Variants in APBA1 observed in about 807,000 individuals in gnomAD.
APBA1 encodes the protein amyloid-beta A4 precursor protein-binding family A member 1.
Under a neutral mutation model 86.6 loss-of-function variants are expected in APBA1, and 55 were observed. The observed-to-expected ratio is 0.64, with a 90% CI of 0.51 to 0.80. APBA1 has a LOEUF of 0.80. Ranked by LOEUF, APBA1 falls within the 30% of genes least tolerant of loss-of-function variation. The probability of loss-of-function intolerance (pLI) is 0.00; values close to 1 mark genes in which losing one functional copy is unlikely to be tolerated. For synonymous variants in APBA1, 511 were observed against 493.9 expected, an observed-to-expected ratio of 1.03 and a Z score of -0.46; for missense variants, 1,090 against 1,183.0, an observed-to-expected ratio of 0.92 and a Z score of 1.15.
intron 1 of APBA1, among the ~76,000 whole-genome samples, chr9:69,526,136 G>T (rs1235508421): frequency 1.3e-5 from 2 of 152,116 alleles, no homozygotes; most frequent in Middle Eastern, 3.4e-3. Context: ...ACATCATTTG[G>T]TCTTGGGGAC....
intron 11 of APBA1, among the ~76,000 whole-genome samples, chr9:69,440,703 A>G (rs1338616815): frequency 6.6e-6 from 1 of 152,156 alleles, no homozygotes; most frequent in East Asian, 1.9e-4. Context: ...TGACTAGGAA[A>G]GGGAATTCCC....
intron 1 of APBA1, among the ~76,000 whole-genome samples, chr9:69,589,945 G>A (rs1484729921): frequency 2.0e-5 from 3 of 152,180 alleles, no homozygotes; most frequent in Non-Finnish European, 2.9e-5. Flanking sequence ...AGGAGCATGA[G>A]GACTTGGTTT....
intron 1 of APBA1, among the ~76,000 whole-genome samples, chr9:69,670,199 A>T (rs914966127): frequency 1.3e-5 from 2 of 152,238 alleles, no homozygotes; most frequent in African/African-American, 4.8e-5. Flanking sequence ...CTTCAAGAGC[A>T]CCTTGTCTAT....
intron 1 of APBA1, among the ~76,000 whole-genome samples, chr9:69,581,135 C>T (rs1489017718): frequency 1.3e-5 from 2 of 152,156 alleles, no homozygotes; most frequent in African/African-American, 2.4e-5. Context: ...ACTGGTACAT[C>T]TGACCTAAAT....
intron 1 of APBA1, among the ~76,000 whole-genome samples, chr9:69,563,840 C>T (rs1206584755): frequency 1.3e-5 from 2 of 152,140 alleles, no homozygotes; most frequent in East Asian, 3.9e-4. Context: ...CCATAGCACT[C>T]ACTGACTTTT....
At chr9:69,588,698 A>T (rs1822070350) in intron 1 of APBA1, among the ~76,000 whole-genome samples, 1 of 152,168 alleles carries the variant, frequency 6.6e-6, no homozygotes, top group African/African-American at 2.4e-5. Flanking sequence ...AATGATGATC[A>T]CGATTATGGC....
At chr9:69,490,370 T>G (rs13302431) in intron 2 of APBA1, among the ~76,000 whole-genome samples, 57,403 of 151,574 alleles carry the variant, frequency 0.38, 12,400 homozygotes, top group Non-Finnish European at 0.47. Flanking sequence ...ATATACCTAA[T>G]GCTAAATGAT....
chr9:69,534,416 C>T (rs1478742196), intron 1 of APBA1, among the ~76,000 whole-genome samples: 2 of 152,132 alleles, frequency 1.3e-5, no homozygotes, highest in Non-Finnish European at 2.9e-5. Flanking sequence ...AATGAGTTTG[C>T]TTTTTCCATG....
At chr9:69,543,773 G>A (rs964354756) in intron 1 of APBA1, among the ~76,000 whole-genome samples, 2 of 152,194 alleles carry the variant, frequency 1.3e-5, no homozygotes, top group Non-Finnish European at 2.9e-5. Context: ...CATATGACCT[G>A]TTCCAGAATC....
At chr9:69,597,764 T>C (rs1822259501) in intron 1 of APBA1, among the ~76,000 whole-genome samples, 1 of 152,256 alleles carries the variant, frequency 6.6e-6, no homozygotes, top group Non-Finnish European at 1.5e-5. Flanking sequence ...ATTTATTAAA[T>C]AGGGAATCCT....
chr9:69,481,286 C>G (rs1835503116), intron 2 of APBA1, among the ~76,000 whole-genome samples: 1 of 152,012 alleles, frequency 6.6e-6, no homozygotes, highest in Admixed American at 6.5e-5. Flanking sequence ...TCTCAGGATA[C>G]AAAATCAATG....
intron 1 of APBA1, among the ~76,000 whole-genome samples, chr9:69,543,284 C>T (rs377210141): frequency 7.4e-4 from 7 of 9,500 alleles, no homozygotes; most frequent in African/African-American, 3.0e-3. Flanking sequence ...TTTCCCCCCC[C>T]CCCCCCCGGC....
chr9:69,584,734 T>G (rs186361001), intron 1 of APBA1, among the ~76,000 whole-genome samples: 232 of 152,314 alleles, frequency 1.5e-3, no homozygotes, highest in Admixed American at 3.0e-3. Flanking sequence ...CCACTGATTA[T>G]AAATACAAAC....
intron 2 of APBA1, among the ~76,000 whole-genome samples, chr9:69,482,364 A>G (rs1235485438): frequency 1.3e-5 from 2 of 151,930 alleles, no homozygotes; most frequent in South Asian, 2.1e-4. Flanking sequence ...CAAAAAACAC[A>G]TGAAAAAATG....
chr9:69,609,763 A>G (rs1822546485), intron 1 of APBA1, among the ~76,000 whole-genome samples: 1 of 152,036 alleles, frequency 6.6e-6, no homozygotes. Context: ...GTCTCCTTTC[A>G]GATTCTTGGT....
intron 1 of APBA1, among the ~76,000 whole-genome samples, chr9:69,626,302 C>T (rs572732083): frequency 1.7e-4 from 25 of 146,770 alleles, no homozygotes; most frequent in African/African-American, 5.9e-4. Flanking sequence ...TGGAAATAAA[C>T]TGTCTTGTTG....
At chr9:69,435,639 G>T (rs553586120) in intron 11 of APBA1, among the ~76,000 whole-genome samples, 13 of 151,950 alleles carry the variant, frequency 8.6e-5, no homozygotes, top group Non-Finnish European at 1.9e-4. Context: ...TTTTGATGGG[G>T]TTGTTTTTTT....
At chr9:69,658,244 C>A in intron 1 of APBA1, among the ~76,000 whole-genome samples, 3 of 20,502 alleles carry the variant, frequency 1.5e-4, no homozygotes, top group Non-Finnish European at 7.6e-4. Flanking sequence ...TTCTTTCTTT[C>A]TTTCTTTCTT....
intron 1 of APBA1, among the ~76,000 whole-genome samples, chr9:69,591,605 G>A (rs554922416): frequency 6.6e-6 from 1 of 152,192 alleles, no homozygotes; most frequent in Non-Finnish European, 1.5e-5. Context: ...TCCTGGAGAT[G>A]GCACTTCTCG....
Sources: gnomAD v4.1 joint callset for allele counts (sites outside exome capture counted in the v4.1 genomes callset) on GRCh38, gnomAD v4.1.1 for gene constraint, MANE v1.5 for transcripts, NCBI Gene and HGNC (gene_info 2026-07-23, HGNC 2026-07-21) for gene names.